GABRB2: variants seen among roughly 807,000 people sequenced by gnomAD.
GABRB2 encodes gamma-aminobutyric acid type A receptor subunit beta2.
Under a neutral mutation model 54.7 loss-of-function variants are expected in GABRB2, and 16 were observed. The ratio of observed to expected loss-of-function variants is 0.29; its 90% CI spans 0.20 to 0.44. The LOEUF (loss-of-function observed/expected upper bound fraction) is 0.44. GABRB2 is among the 20% of genes least tolerant of loss of function. The pLI is 1.00. For synonymous variants in GABRB2, 244 were observed against 233.8 expected, an observed-to-expected ratio of 1.04 and a Z score of -0.40; for missense variants, 355 against 644.0, an observed-to-expected ratio of 0.55 and a Z score of 4.86.
intron 9 of GABRB2, among the ~76,000 whole-genome samples, chr5:161,309,556 A>G (rs1757797484): frequency 6.6e-6 from 1 of 152,186 alleles, no homozygotes; most frequent in South Asian, 2.1e-4. Context: ...ACACATGCAC[A>G]TGCATGTTAA....
At chr5:161,548,391 T>A (rs548555992), upstream of GABRB2, among the ~76,000 whole-genome samples, 19 of 152,086 alleles carry the variant, frequency 1.2e-4, no homozygotes, top group South Asian at 3.7e-3. Flanking sequence ...TACTCCTGAG[T>A]TTATCTTGGA....
In GABRB2 at chr5:161,456,009, G is replaced by A. The variant is rs1207450898; in HGVS notation, c.458+3615C>T. On this transcript the variant is annotated intron_variant, in intron 4 of 9. Transcript: ENST00000393959. Reference sequence around the variant, plus strand: ...TATGAAAGAAACTTACTCAGATACTGTAAATGACTGTCCCTCCTTTAACCT... The same window carrying A: ...TATGAAAGAAACTTACTCAGATACTATAAATGACTGTCCCTCCTTTAACCT... Among the ~76,000 whole-genome samples, 9 of 152,244 alleles carry A rather than the reference G, an allele frequency of 5.9e-5. No homozygotes were observed. The East Asian group carries it at 1.2e-3, about 20-fold the overall frequency.
At chr5:161,436,135 C>T (rs1420412884) in intron 4 of GABRB2, among the ~76,000 whole-genome samples, 1 of 152,168 alleles carries the variant, frequency 6.6e-6, no homozygotes, top group Non-Finnish European at 1.5e-5. Flanking sequence ...CTGAGATTCA[C>T]TTTCTTCGTG....
At chr5:161,449,935 A>G (rs1757744833) in intron 4 of GABRB2, among the ~76,000 whole-genome samples, 1 of 152,294 alleles carries the variant, frequency 6.6e-6, no homozygotes, top group South Asian at 2.1e-4. Flanking sequence ...AATCAGGAAC[A>G]TGCAAGTACT....
intron 9 of GABRB2, among the ~76,000 whole-genome samples, chr5:161,317,984 T>G (rs1644454): frequency 0.33 from 49,980 of 151,866 alleles, 9,537 homozygotes; most frequent in African/African-American, 0.52. Flanking sequence ...GAGAAAGAAG[T>G]TCTTATAGAT....
intron 3 of GABRB2, among the ~76,000 whole-genome samples, chr5:161,523,253 T>A (rs1301368163): frequency 1.3e-5 from 2 of 151,546 alleles, no homozygotes; most frequent in East Asian, 3.9e-4. Context: ...AATACATGCA[T>A]CCTACAAACT....
intron 6 of GABRB2, 82 bp from the exon 7 acceptor site, chr5:161,334,986 T>C: frequency 7.4e-7 from 1 of 1,354,620 alleles, no homozygotes; most frequent in Non-Finnish European, 1.0e-6. Flanking sequence ...AAACAGTACC[T>C]CTTCTCTCAG....
chr5:161,497,177 T>C (rs934986357), intron 3 of GABRB2, among the ~76,000 whole-genome samples: 3 of 152,124 alleles, frequency 2.0e-5, no homozygotes, highest in South Asian at 4.1e-4. Context: ...AAGAATATAT[T>C]GTTGAAACTC....
intron 3 of GABRB2, among the ~76,000 whole-genome samples, chr5:161,508,772 T>C (rs547053070): frequency 2.2e-4 from 33 of 152,110 alleles, no homozygotes; most frequent in African/African-American, 7.7e-4. Context: ...CAATTCAAAA[T>C]AGTGTAGGCC....
At chr5:161,465,165 A>G (rs1014599550) in intron 3 of GABRB2, among the ~76,000 whole-genome samples, 7 of 152,212 alleles carry the variant, frequency 4.6e-5, no homozygotes, top group Admixed American at 4.6e-4. Context: ...ATCCTTTCAA[A>G]TCTCTGAGCC....
At chr5:161,455,749 T>C (rs1261305389) in intron 4 of GABRB2, among the ~76,000 whole-genome samples, 2 of 151,820 alleles carry the variant, frequency 1.3e-5, no homozygotes, top group African/African-American at 4.8e-5. Context: ...CCCAGGCTGG[T>C]CCTGAACTCC....
chr5:161,530,164 C>T (rs140528280), intron 3 of GABRB2, among the ~76,000 whole-genome samples: 105 of 152,142 alleles, frequency 6.9e-4, no homozygotes, highest in Non-Finnish European at 1.2e-3. Context: ...AACAGGAAAC[C>T]CAGAGCTCCA....
In GABRB2 at chr5:161,341,937, TTA is replaced by T. The variant is rs1237952955; in HGVS notation, c.542-5170_542-5169del. On this transcript the variant is annotated intron_variant, in intron 5 of 9. Coordinates refer to ENST00000393959, the MANE Select transcript of GABRB2 (RefSeq NM_001371727.1). Reference sequence around the variant, plus strand: ...TTAATGCCACTATTTATTTTTTCTTTTATATATATATATATATATATATATAT... The same window carrying T: ...TTAATGCCACTATTTATTTTTTCTTTTATATATATATATATATATATATAT... 4.0e-3 allele frequency among the ~76,000 whole-genome samples: 304 copies of T among 75,688 alleles called. 1 individual carries two copies. Among genetic ancestry groups the T allele is most frequent in the Middle Eastern group, 0.014 (2 of 144 alleles). 49.7% of individuals were successfully genotyped at this position (75,688 alleles called of 152,430 possible). A position where few individuals can be genotyped will look rare whatever the true frequency, so the allele number is the denominator to read the frequency against.
chr5:161,386,135 C>T (rs796742462), intron 5 of GABRB2, among the ~76,000 whole-genome samples: 8 of 152,202 alleles, frequency 5.3e-5, no homozygotes, highest in African/African-American at 1.7e-4. Context: ...CATTTTCACC[C>T]ATTTGAGGTT....
At chr5:161,464,325 G>A (rs922928929) in intron 3 of GABRB2, among the ~76,000 whole-genome samples, 2 of 151,874 alleles carry the variant, frequency 1.3e-5, no homozygotes, top group Non-Finnish European at 2.9e-5. Context: ...TAGTAAATAA[G>A]TTTATAAAAT....
At chr5:161,396,253 G>C (rs1333588603) in intron 5 of GABRB2, among the ~76,000 whole-genome samples, 1 of 152,180 alleles carries the variant, frequency 6.6e-6, no homozygotes, top group African/African-American at 2.4e-5. Flanking sequence ...TCCTTCCAGG[G>C]AGGAGTTAGA....
intron 9 of GABRB2, among the ~76,000 whole-genome samples, chr5:161,296,444 A>G (rs542313692): frequency 3.9e-4 from 60 of 152,314 alleles, no homozygotes; most frequent in African/African-American, 1.4e-3. Context: ...TTGACACCAG[A>G]CCTGGCTGAG....
intron 4 of GABRB2, among the ~76,000 whole-genome samples, chr5:161,428,449 C>G (rs1757076435): frequency 6.6e-6 from 1 of 151,978 alleles, no homozygotes; most frequent in Non-Finnish European, 1.5e-5. Flanking sequence ...ATCCTTTGAC[C>G]TATATCTCCT....
intron 3 of GABRB2, among the ~76,000 whole-genome samples, chr5:161,502,033 T>C (rs1358742512): frequency 2.7e-5 from 4 of 149,334 alleles, no homozygotes; most frequent in Non-Finnish European, 5.9e-5. Flanking sequence ...TCTTATATGG[T>C]ATATAAAAAT....
Sources: allele counts gnomAD v4.1 joint callset (sites outside exome capture counted in the v4.1 genomes callset), GRCh38; gene constraint gnomAD v4.1.1; transcripts MANE v1.5; gene names NCBI Gene and HGNC (gene_info 2026-07-23, HGNC 2026-07-21).